The following EBAG9 variants were observed in gnomAD, a reference collection of about 807,000 sequenced individuals.
The protein encoded by EBAG9 is estrogen receptor binding site associated antigen 9.
Under a neutral mutation model 30.9 loss-of-function variants are expected in EBAG9, and 16 were observed. The ratio of observed to expected loss-of-function variants is 0.52; its 90% CI spans 0.35 to 0.79. EBAG9 has a LOEUF of 0.79. EBAG9 is among the 30% of genes least tolerant of loss of function. The pLI is 0.01. For synonymous variants in EBAG9, 93 were observed against 82.8 expected, an observed-to-expected ratio of 1.12 and a Z score of -0.67; for missense variants, 197 against 242.1, an observed-to-expected ratio of 0.81 and a Z score of 1.24.
intron 1 of EBAG9, 156 bp from the exon 2 acceptor site, chr8:109,550,654 T>C (rs1306824086): frequency 1.8e-6 from 1 of 541,054 alleles, no homozygotes; most frequent in Non-Finnish European, 3.2e-6. Context: ...GTTAATATGA[T>C]TTAAATTATA....
chr8:109,561,045 CT>C, intron 6 of EBAG9, 116 bp downstream of exon 6: 1 of 810,562 alleles, frequency 1.2e-6, no homozygotes, highest in Non-Finnish European at 1.9e-6. Flanking sequence ...TCATTTGATC[CT>C]TAGATAATAA....
chr8:109,553,320 C>T (rs1453250811), intron 2 of EBAG9, among the ~76,000 whole-genome samples: 3 of 152,182 alleles, frequency 2.0e-5, no homozygotes, highest in Non-Finnish European at 2.9e-5. Flanking sequence ...GTGGTTTACA[C>T]AGATTCCACA....
At chr8:109,561,550 G>A (rs1821711062) in intron 6 of EBAG9, among the ~76,000 whole-genome samples, 2 of 151,984 alleles carry the variant, frequency 1.3e-5, no homozygotes, top group African/African-American at 4.8e-5. Flanking sequence ...AAAGAGTAAA[G>A]AGAAAATTTA....
intron 1 of EBAG9, among the ~76,000 whole-genome samples, chr8:109,542,509 G>A (rs1292777387): frequency 6.6e-6 from 1 of 152,158 alleles, no homozygotes; most frequent in Non-Finnish European, 1.5e-5. Flanking sequence ...CATACTGATA[G>A]AGTATCTCCT....
chr8:109,550,820 C>G lies in EBAG9; in HGVS notation c.-5C>G, dbSNP rs1821478310. 1 of 1,596,660 alleles carries G rather than the reference C, an allele frequency of 6.3e-7. No homozygotes were observed. The highest frequency in any genetic ancestry group is 8.6e-7 in the Non-Finnish European group (1 of 1,168,496). ...GTGCCTCTTCCACAGGTTTTGATTC[C>G]CACCATGGCCATCACCCAGTTTCGG... On this transcript the variant is annotated 5_prime_UTR_variant, in exon 2 of 7. Transcript: ENST00000337573.
Position 109,541,224 on chromosome 8 carries a change from T to G in EBAG9, c.-16+763T>G, listed in dbSNP as rs189711376. On this transcript the variant is annotated intron_variant, in intron 1 of 6. Coordinates refer to ENST00000337573, the MANE Select transcript of EBAG9 (RefSeq NM_004215.5). ...ATTTAATGTTAAGATTAGATTATAT[T>G]AACATTGTTCCGTTCTAGAAAGTGT... is the stretch of plus-strand genomic sequence containing the variant. 2.0e-5 allele frequency among the ~76,000 whole-genome samples: 3 copies of G among 152,316 alleles called. No homozygotes were observed. In the East Asian group the frequency reaches 5.8e-4, roughly 29 times the overall value.
At chr8:109,561,770 T>C (rs1821715264) in intron 6 of EBAG9, among the ~76,000 whole-genome samples, 1 of 152,204 alleles carries the variant, frequency 6.6e-6, no homozygotes, top group Middle Eastern at 3.4e-3. Flanking sequence ...TTTTTGTATT[T>C]TCCTTTCTTG....
intron 6 of EBAG9, chr8:109,563,517 C>G: frequency 6.3e-7 from 1 of 1,595,954 alleles, no homozygotes; most frequent in Non-Finnish European, 8.5e-7. Context: ...AGTGGAGTTA[C>G]GGAAAGAGTA....
At chr8:109,563,050 G>A (rs764743840) in intron 6 of EBAG9, among the ~76,000 whole-genome samples, 3 of 151,882 alleles carry the variant, frequency 2.0e-5, no homozygotes, top group African/African-American at 4.8e-5. Context: ...GACATTTTTA[G>A]TTCAGATTAT....
chr8:109,554,951 G>T, intron 4 of EBAG9, 64 bp downstream of exon 4: 5 of 1,467,356 alleles, frequency 3.4e-6, no homozygotes, highest in East Asian at 2.3e-5. Flanking sequence ...TTAAAATTAG[G>T]TGATACAATT....
intron 1 of EBAG9, among the ~76,000 whole-genome samples, chr8:109,544,034 A>T (rs966990840): frequency 1.3e-4 from 6 of 47,566 alleles, no homozygotes; most frequent in South Asian, 2.6e-3. Context: ...TATCTCAATT[A>T]AAAAAAAAAA....
At chr8:109,542,103 A>G (rs1821288856) in intron 1 of EBAG9, among the ~76,000 whole-genome samples, 1 of 152,192 alleles carries the variant, frequency 6.6e-6, no homozygotes, top group Non-Finnish European at 1.5e-5. Context: ...ATGTCATAAG[A>G]TGGCTTTTTG....
At chr8:109,543,437 A>G (rs563406609) in intron 1 of EBAG9, among the ~76,000 whole-genome samples, 11 of 152,096 alleles carry the variant, frequency 7.2e-5, no homozygotes, top group African/African-American at 2.6e-4. Flanking sequence ...ATCAGATACT[A>G]TGAGAGTTAA....
At chr8:109,548,356 G>C (rs1057088487) in intron 1 of EBAG9, among the ~76,000 whole-genome samples, 1 of 151,664 alleles carries the variant, frequency 6.6e-6, no homozygotes, top group Admixed American at 6.6e-5. Context: ...CGTGTATTTT[G>C]ATTCCAATAC....
chr8:109,557,766 G>C (rs1821630603), intron 5 of EBAG9: 1 of 445,352 alleles, frequency 2.2e-6, no homozygotes, highest in Non-Finnish European at 4.5e-6. Context: ...TCATCTGAAG[G>C]CTTGATTGTG....
chr8:109,552,543 T>C (rs1301493322), intron 2 of EBAG9, among the ~76,000 whole-genome samples: 1 of 152,226 alleles, frequency 6.6e-6, no homozygotes, highest in East Asian at 1.9e-4. Context: ...AGCATTGTGT[T>C]AACAGTGGTG....
chr8:109,557,200 A>G (rs1821617676), intron 5 of EBAG9, among the ~76,000 whole-genome samples, 158 bp downstream of exon 5: 1 of 152,198 alleles, frequency 6.6e-6, no homozygotes, highest in East Asian at 1.9e-4. Flanking sequence ...AGTTTTACCA[A>G]TCCTAACCTT....
intron 1 of EBAG9, among the ~76,000 whole-genome samples, chr8:109,541,735 G>A (rs1053172586): frequency 1.3e-5 from 2 of 152,148 alleles, no homozygotes; most frequent in Non-Finnish European, 2.9e-5. Flanking sequence ...TTCCCCATGC[G>A]GAGTTGGTAG....
chr8:109,540,988 A>G (rs1821261971), intron 1 of EBAG9, among the ~76,000 whole-genome samples: 1 of 152,128 alleles, frequency 6.6e-6, no homozygotes, highest in African/African-American at 2.4e-5. Context: ...GAATTTCAAC[A>G]AGAAAAGATA....
Sources: gnomAD v4.1 joint callset for allele counts (sites outside exome capture counted in the v4.1 genomes callset) on GRCh38, gnomAD v4.1.1 for gene constraint, MANE v1.5 for transcripts, NCBI Gene and HGNC (gene_info 2026-07-23, HGNC 2026-07-21) for gene names.